LHFPL3: variants seen among roughly 807,000 people sequenced by gnomAD.
LHFPL3 encodes the protein LHFPL tetraspan subfamily member 3 protein.
Under a neutral mutation model 19.3 loss-of-function variants are expected in LHFPL3, and 5 were observed. The ratio of observed to expected loss-of-function variants is 0.26; its 90% CI spans 0.14 to 0.54. The LOEUF (loss-of-function observed/expected upper bound fraction) is 0.54, where lower values mean the gene tolerates loss of function less well. Ranked by LOEUF, LHFPL3 falls within the 20% of genes least tolerant of loss-of-function variation. LHFPL3 has a pLI of 0.94. For missense variants in LHFPL3, 249 were observed against 307.4 expected (o/e 0.81, Z 1.42); for synonymous variants, 133 against 126.2 (o/e 1.05, Z -0.36).
intron 1 of LHFPL3, among the ~76,000 whole-genome samples, chr7:104,631,257 C>T (rs1791635306): frequency 6.7e-6 from 1 of 150,340 alleles, no homozygotes; most frequent in Non-Finnish European, 1.5e-5. Flanking sequence ...AATATCTTGC[C>T]CTCTCATTTC....
intron 2 of LHFPL3, among the ~76,000 whole-genome samples, chr7:104,763,763 C>T (rs1038412096): frequency 1.3e-5 from 2 of 152,230 alleles, no homozygotes; most frequent in African/African-American, 4.8e-5. Flanking sequence ...CATTGGACCA[C>T]TTCTGTAGGG....
intron 1 of LHFPL3, among the ~76,000 whole-genome samples, chr7:104,422,567 G>T (rs948765475): frequency 3.9e-5 from 6 of 152,136 alleles, no homozygotes; most frequent in Admixed American, 2.6e-4. Flanking sequence ...TTACAAAATG[G>T]TTAAGCATGA....
chr7:104,392,346 T>C (rs1791090403), intron 1 of LHFPL3, among the ~76,000 whole-genome samples: 1 of 151,928 alleles, frequency 6.6e-6, no homozygotes, highest in Non-Finnish European at 1.5e-5. Flanking sequence ...TCTTATTATT[T>C]TGAGATATGT....
At chr7:104,584,157 A>G (rs1185175700) in intron 1 of LHFPL3, among the ~76,000 whole-genome samples, 1 of 152,168 alleles carries the variant, frequency 6.6e-6, no homozygotes, top group Non-Finnish European at 1.5e-5. Flanking sequence ...TGTCCTTTGT[A>G]GGGACATGGA....
At chr7:104,697,859 G>A (rs910619754) in intron 1 of LHFPL3, among the ~76,000 whole-genome samples, 1 of 152,244 alleles carries the variant, frequency 6.6e-6, no homozygotes, top group Non-Finnish European at 1.5e-5. Context: ...GCATCCAAGG[G>A]ATCTGGGGGG....
intron 2 of LHFPL3, among the ~76,000 whole-genome samples, chr7:104,886,111 T>G (rs1033509715): frequency 1.3e-5 from 2 of 152,222 alleles, no homozygotes; most frequent in Non-Finnish European, 2.9e-5. Context: ...TTTATTTGCG[T>G]ATTGTCTATA....
chr7:104,568,101 C>G (rs1790157448), intron 1 of LHFPL3, among the ~76,000 whole-genome samples: 1 of 152,176 alleles, frequency 6.6e-6, no homozygotes, highest in Admixed American at 6.5e-5. Flanking sequence ...CCTATGGACT[C>G]TTAAGGAATC....
intron 2 of LHFPL3, among the ~76,000 whole-genome samples, chr7:104,855,963 G>C (rs969137841): frequency 6.6e-6 from 1 of 152,068 alleles, no homozygotes; most frequent in Admixed American, 6.6e-5. Flanking sequence ...ACCAAAACTT[G>C]CCTGGCCCAG....
intron 1 of LHFPL3, among the ~76,000 whole-genome samples, chr7:104,420,919 A>C (rs1036962068): frequency 2.0e-5 from 3 of 152,286 alleles, no homozygotes; most frequent in Non-Finnish European, 4.4e-5. Context: ...AGAATGGAAG[A>C]GTAAGTATGT....
At chr7:104,492,153 A>G (rs1453888444) in intron 1 of LHFPL3, among the ~76,000 whole-genome samples, 4 of 152,348 alleles carry the variant, frequency 2.6e-5, no homozygotes, top group Middle Eastern at 6.8e-3. Flanking sequence ...AAATTCTCAA[A>G]CTACAGGGTT....
At chr7:104,756,126 T>G (rs1265758278) in intron 2 of LHFPL3, among the ~76,000 whole-genome samples, 3 of 152,092 alleles carry the variant, frequency 2.0e-5, no homozygotes, top group Non-Finnish European at 2.9e-5. Flanking sequence ...ATAGTGCTGT[T>G]TGGGGACATT....
chr7:104,373,977 A>T (rs1315872031), intron 1 of LHFPL3, among the ~76,000 whole-genome samples: 1 of 152,130 alleles, frequency 6.6e-6, no homozygotes, highest in Non-Finnish European at 1.5e-5. Flanking sequence ...TTGTCTCATA[A>T]TGTTATGCCA....
At chr7:104,831,353 C>A (rs1352297323) in intron 2 of LHFPL3, among the ~76,000 whole-genome samples, 1 of 151,972 alleles carries the variant, frequency 6.6e-6, no homozygotes, top group Non-Finnish European at 1.5e-5. Context: ...AAGCTTAAAA[C>A]TTTCCTGTAC....
chr7:104,511,065 A>G (rs1793804583), intron 1 of LHFPL3, among the ~76,000 whole-genome samples: 1 of 152,008 alleles, frequency 6.6e-6, no homozygotes, highest in Non-Finnish European at 1.5e-5. Flanking sequence ...AAGTTAAAAA[A>G]GAAAGAAAGA....
chr7:104,354,681 C>T lies in LHFPL3; in HGVS notation c.445+25457C>T, dbSNP rs149394992. On this transcript the variant is annotated intron_variant, in intron 1 of 2. Coordinates refer to ENST00000424859, the MANE Select transcript of LHFPL3 (RefSeq NM_199000.3). ...TTAGTTGAACTTTTTCTACTGCTAC[C>T]CTATTGTCCAGTTCAGGAGATGAAG... Among the ~76,000 whole-genome samples the T allele has an allele frequency of 2.6e-5, 4 of 152,070 alleles. No homozygotes were observed. The East Asian group carries it at 7.7e-4, about 29-fold the overall frequency.
rs1792620210 is a variant in LHFPL3, at chr7:104,906,578, T to C, written c.*363T>C. 2 of 213,622 alleles carry C rather than the reference T, an allele frequency of 9.4e-6. No individual in the cohort carries two copies. The highest frequency in any genetic ancestry group is 3.7e-4 in the South Asian group (2 of 5,472). The allele number at this position is 213,622 out of a possible 1,614,324, so 13.2% of individuals were successfully genotyped here. On this transcript the variant is annotated 3_prime_UTR_variant, in exon 3 of 3. Coordinates refer to ENST00000424859, the MANE Select transcript of LHFPL3 (RefSeq NM_199000.3). ...ACGTACTGAGGTTTGTAAACTGTCC[T>C]TTTTAAATCAAACTGAAAACAAAAA...
At chr7:104,564,962 C>T (rs937197367) in intron 1 of LHFPL3, among the ~76,000 whole-genome samples, 5 of 152,294 alleles carry the variant, frequency 3.3e-5, no homozygotes, top group East Asian at 1.9e-4. Context: ...CCATCAGCAA[C>T]GACTCTCCAC....
chr7:104,490,317 T>C (rs1793317703), intron 1 of LHFPL3, among the ~76,000 whole-genome samples: 1 of 152,198 alleles, frequency 6.6e-6, no homozygotes. Flanking sequence ...CCTCTTCTAC[T>C]GAGTGACTTT....
intron 1 of LHFPL3, among the ~76,000 whole-genome samples, chr7:104,649,194 T>C (rs147345209): frequency 1.5e-3 from 221 of 152,290 alleles, no homozygotes; most frequent in Non-Finnish European, 2.1e-3. Flanking sequence ...GGCATTGAGA[T>C]GGATGGTAGG....
Sources: gnomAD v4.1 joint callset for allele counts (sites outside exome capture counted in the v4.1 genomes callset) on GRCh38, gnomAD v4.1.1 for gene constraint, MANE v1.5 for transcripts, NCBI Gene and HGNC (gene_info 2026-07-23, HGNC 2026-07-21) for gene names.